The following BCKDHA variants were observed in gnomAD, a reference collection of about 807,000 sequenced individuals.
BCKDHA encodes branched chain keto acid dehydrogenase E1 subunit alpha.
In BCKDHA, 43 loss-of-function variants were observed where a neutral mutation model predicts 52.2. The observed-to-expected ratio is 0.82, with a 90% CI of 0.64 to 1.06. BCKDHA has a LOEUF of 1.06. BCKDHA is among the 50% of genes least tolerant of loss of function. BCKDHA has a pLI of 0.00. For missense variants in BCKDHA, 527 were observed against 621.3 expected (o/e 0.85, Z 1.61); for synonymous variants, 234 against 247.9 (o/e 0.94, Z 0.53).
In BCKDHA at chr19:41,424,743, G is replaced by A. The variant is rs774181303; in HGVS notation, c.*135G>A. On this transcript the variant is annotated 3_prime_UTR_variant, in exon 9 of 9. Coordinates refer to ENST00000269980, the MANE Select transcript of BCKDHA (RefSeq NM_000709.4). ...CTCTAAAATACTCAGCGGCCAGGGC[G>A]GCTGCCACTCTTCACCCCTGCTCCT... is the stretch of plus-strand genomic sequence containing the variant. The A allele has an allele frequency of 1.3e-5, 13 of 1,009,838 alleles. No individual in the cohort carries two copies. Among genetic ancestry groups the A allele is most frequent in the African/African-American group, 3.3e-5 (2 of 61,182 alleles). The allele number at this position is 1,009,838 out of a possible 1,614,324, so 62.6% of individuals were successfully genotyped here. A position where few individuals can be genotyped will look rare whatever the true frequency, so the allele number is the denominator to read the frequency against.
chr19:41,413,993 T>C, intron 3 of BCKDHA, 56 bp from the exon 4 acceptor site: 4 of 1,452,636 alleles, frequency 2.8e-6, no homozygotes, highest in Non-Finnish European at 3.9e-6. Context: ...TGGATGGCTC[T>C]CTGTCATTGC....
At position 41,419,156 on chromosome 19, in the gene BCKDHA, AC is replaced by A. The variant is rs762084007; in HGVS notation, c.511del (p.Leu171TrpfsTer159). 3 of 1,613,898 alleles carry A rather than the reference AC, an allele frequency of 1.9e-6. No individual in the cohort carries two copies. In the South Asian group the frequency reaches 3.3e-5, roughly 18 times the overall value. On this transcript the variant is annotated frameshift_variant, in exon 5 of 9. Coordinates refer to ENST00000269980, the MANE Select transcript of BCKDHA (RefSeq NM_000709.4). LOFTEE classifies it high-confidence loss of function. ...CTAGGTGTGCTGATGTATCGGGACT[AC>A]CCCCTGGAACTATTCATGGCCCAGT... The part of the protein sequence containing the change: ...REAGVLMYRD[Y>X]PLELFMAQCY...
Position 41,421,908 on chromosome 19 carries a change from C to T in BCKDHA, c.647-256C>T, listed in dbSNP as rs189594157. ...AAGGTGGAGTAGATGTGGAGAATGG[C>T]GGGAAGTTTGGCTTGGAGATGATAC... On this transcript the variant is annotated intron_variant, in intron 5 of 8. Coordinates refer to ENST00000269980, the MANE Select transcript of BCKDHA (RefSeq NM_000709.4). Among the ~76,000 whole-genome samples the T allele has an allele frequency of 2.0e-3, 299 of 152,132 alleles. 4 individuals carry two copies. Among genetic ancestry groups the T allele is most frequent in the African/African-American group, 6.7e-3 (276 of 41,486 alleles).
intron 5 of BCKDHA, among the ~76,000 whole-genome samples, chr19:41,420,929 GCTT>G (rs1336565081): frequency 2.0e-5 from 3 of 152,236 alleles, no homozygotes; most frequent in African/African-American, 4.8e-5. Context: ...CTGGGCCCTG[GCTT>G]CTTTGCCCTA....
At chr19:41,424,345 G>T in intron 8 of BCKDHA, 93 bp from the exon 9 acceptor site, 1 of 1,393,930 alleles carries the variant, frequency 7.2e-7, no homozygotes, top group Non-Finnish European at 1.0e-6. Context: ...ACAAAGGCTT[G>T]GAGTGGTTAA....
chr19:41,414,751 T>C (rs2039291248), intron 4 of BCKDHA, among the ~76,000 whole-genome samples: 1 of 151,470 alleles, frequency 6.6e-6, no homozygotes, highest in Non-Finnish European at 1.5e-5. Context: ...AGCGAAGGAG[T>C]GAGCCCAGGG....
At chr19:41,424,345 GGA>G in intron 8 of BCKDHA, 91 bp from the exon 9 acceptor site, 1 of 1,393,934 alleles carries the variant, frequency 7.2e-7, no homozygotes, top group Non-Finnish European at 1.0e-6. Flanking sequence ...ACAAAGGCTT[GGA>G]GTGGTTAATT....
chr19:41,400,306 C>G (rs75348131), intron 1 of BCKDHA: 5 of 150,194 alleles, frequency 3.3e-5, no homozygotes, highest in African/African-American at 1.2e-4. Flanking sequence ...GTGGCACGAT[C>G]TCGGCTCACT....
intron 8 of BCKDHA, among the ~76,000 whole-genome samples, chr19:41,423,942 G>C (rs2039398728): frequency 6.6e-6 from 1 of 152,024 alleles, no homozygotes; most frequent in Non-Finnish European, 1.5e-5. Context: ...GCAGTGATTG[G>C]AGATGGCGCC....
At chr19:41,424,369 C>T (rs2039403923) in intron 8 of BCKDHA, 69 bp from the exon 9 acceptor site, 1 of 1,580,228 alleles carries the variant, frequency 6.3e-7, no homozygotes, top group Non-Finnish European at 8.7e-7. Context: ...CTTGCCAAGG[C>T]CCCGCAGGAG....
chr19:41,412,383 T>TTTTTTTTTTTTTTTTTTTTTC, intron 3 of BCKDHA, among the ~76,000 whole-genome samples: 1 of 114,454 alleles, frequency 8.7e-6, no homozygotes, highest in Non-Finnish European at 1.7e-5. Flanking sequence ...GATATTTCTT[T>TTTTTTTTTTTTTTTTTTTTTC]TTTTTTTTTT....
chr19:41,422,193 G>A lies in BCKDHA; in HGVS notation c.676G>A (p.Ala226Thr). 3 of 1,614,050 alleles carry A rather than the reference G, an allele frequency of 1.9e-6. No homozygotes were observed. In the South Asian group the frequency reaches 3.3e-5, roughly 18 times the overall value. The part of the protein sequence containing the change: ...AVGAAYAAKR[A>T]NANRVVICYF... The stretch of plus-strand genomic sequence containing the variant: ...GGGGGCGGCGTACGCAGCCAAGCGG[G>A]CCAATGCCAACAGGGTCGTCATCTG... Residue 226 changes from alanine to threonine, a missense_variant, in exon 6 of 9, where the codon GCC becomes ACC. Physicochemically the swap from Ala to Thr is moderately conservative, Grantham distance 58 (BLOSUM62 0). Transcript: ENST00000269980.
rs574869722 is a variant in BCKDHA at position 41,414,543 on chromosome 19, C to T, written c.484+386C>T. ...GTGGGTGTGGCCTGTGCAGGAGACC[C>T]TGTCTGCCTGGTGCAGTGATCCCCT... On this transcript the variant is annotated intron_variant, in intron 4 of 8. Coordinates refer to ENST00000269980, the MANE Select transcript of BCKDHA (RefSeq NM_000709.4). Among the ~76,000 whole-genome samples the T allele has an allele frequency of 5.3e-5, 8 of 152,274 alleles. No individual in the cohort carries two copies. In the South Asian group the frequency reaches 1.7e-3, roughly 32 times the overall value.
At chr19:41,410,230 G>GGA (rs1229540058) in intron 1 of BCKDHA, among the ~76,000 whole-genome samples, 1 of 152,116 alleles carries the variant, frequency 6.6e-6, no homozygotes, top group East Asian at 1.9e-4. Flanking sequence ...GGTCACAGTG[G>GGA]GAGAGAGAGA....
intron 4 of BCKDHA, 103 bp from the exon 5 acceptor site, chr19:41,419,032 T>G: frequency 1.8e-5 from 25 of 1,411,294 alleles, no homozygotes; most frequent in African/African-American, 2.8e-5. Flanking sequence ...AAAACAAGCC[T>G]GAGCTTTCCT....
chr19:41,401,700 C>T (rs1304206724), intron 1 of BCKDHA, among the ~76,000 whole-genome samples: 2 of 152,202 alleles, frequency 1.3e-5, no homozygotes, highest in Admixed American at 6.5e-5. Flanking sequence ...TTCTCAGCCA[C>T]TACCCCAGGC....
intron 7 of BCKDHA, 54 bp downstream of exon 7, chr19:41,422,824 A>G: frequency 2.5e-6 from 4 of 1,609,892 alleles, no homozygotes; most frequent in Non-Finnish European, 3.4e-6. Flanking sequence ...CCACCGTAGC[A>G]TCTTCCTCAT....
intron 1 of BCKDHA, among the ~76,000 whole-genome samples, chr19:41,409,550 A>G (rs1369440477): frequency 6.6e-6 from 1 of 152,096 alleles, no homozygotes; most frequent in Non-Finnish European, 1.5e-5. Context: ...ACTGAAGCGT[A>G]TGTAGCAGTT....
chr19:41,422,926 A>G lies in BCKDHA; in HGVS notation c.996-72A>G, dbSNP rs773100255. ...GTTTCCACTCCTCCTTCCCTAGTTC[A>G]TCCCCCATCCTCCCTCCTGACCCCC... On this transcript the variant is annotated intron_variant, in intron 7 of 8. Coordinates refer to ENST00000269980, the MANE Select transcript of BCKDHA (RefSeq NM_000709.4). 1.1e-5 allele frequency: 18 copies of G among 1,568,850 alleles called. No individual in the cohort carries two copies. In the African/African-American group the frequency reaches 2.4e-4, roughly 21 times the overall value.
Sources: allele counts gnomAD v4.1 joint callset (sites outside exome capture counted in the v4.1 genomes callset), GRCh38; gene constraint gnomAD v4.1.1; transcripts MANE v1.5; gene names NCBI Gene and HGNC (gene_info 2026-07-23, HGNC 2026-07-21).